NXPH1: variants seen among roughly 807,000 people sequenced by gnomAD.
NXPH1 encodes neurexophilin 1.
In NXPH1, 5 loss-of-function variants were observed where a neutral mutation model predicts 23.7. The observed-to-expected ratio is 0.21, with a 90% confidence interval of 0.11 to 0.44. The LOEUF (loss-of-function observed/expected upper bound fraction) is 0.44. NXPH1 is among the 20% of genes least tolerant of loss of function. The pLI is 0.99. For missense variants in NXPH1, 324 were observed against 321.6 expected, an observed-to-expected ratio of 1.01 and a Z score of -0.06; for synonymous variants, 144 against 122.2, an observed-to-expected ratio of 1.18 and a Z score of -1.18.
At chr7:8,497,143 A>G (rs1471129644) in intron 2 of NXPH1, among the ~76,000 whole-genome samples, 2 of 152,130 alleles carry the variant, frequency 1.3e-5, no homozygotes, top group African/African-American at 4.8e-5. Context: ...TAGTTTTCTC[A>G]GAATGATGGT....
rs192509883 is a variant in NXPH1, at chr7:8,555,437, A to C, written c.54+119670A>C. 1.6e-3 allele frequency among the ~76,000 whole-genome samples: 250 copies of C among 151,776 alleles called. 3 individuals are homozygous for C. Among genetic ancestry groups the C allele is most frequent in the Non-Finnish European group, 2.0e-3 (138 of 67,736 alleles). On this transcript the variant is annotated intron_variant, in intron 2 of 2. Coordinates refer to ENST00000405863, the MANE Select transcript of NXPH1 (RefSeq NM_152745.3). Reference sequence around the variant, plus strand: ...ATCCTGATTCCACAAAAGAGATGACACAGACTGCTGAGTAAAACACAGCAA... The same window carrying C: ...ATCCTGATTCCACAAAAGAGATGACCCAGACTGCTGAGTAAAACACAGCAA...
chr7:8,509,947 A>G (rs1269565609), intron 2 of NXPH1, among the ~76,000 whole-genome samples: 1 of 152,178 alleles, frequency 6.6e-6, no homozygotes, highest in Non-Finnish European at 1.5e-5. Flanking sequence ...TTCATCAGGA[A>G]AAAGTGAGTG....
chr7:8,641,761 A>G (rs1820317077), intron 2 of NXPH1, among the ~76,000 whole-genome samples: 1 of 152,108 alleles, frequency 6.6e-6, no homozygotes, highest in African/African-American at 2.4e-5. Context: ...GATTATGTCC[A>G]TATTTTTCAT....
chr7:8,650,428 G>A (rs1445423733), intron 2 of NXPH1, among the ~76,000 whole-genome samples: 2 of 152,146 alleles, frequency 1.3e-5, no homozygotes, highest in African/African-American at 2.4e-5. Context: ...TAAAGACACA[G>A]CTTCTTGGAA....
At chr7:8,595,835 A>G (rs564959167) in intron 2 of NXPH1, among the ~76,000 whole-genome samples, 28 of 152,132 alleles carry the variant, frequency 1.8e-4, no homozygotes, top group African/African-American at 4.6e-4. Context: ...ATCCTTTACC[A>G]TCGCTTTTAG....
At chr7:8,693,728 A>G (rs544112499) in intron 2 of NXPH1, among the ~76,000 whole-genome samples, 3 of 152,262 alleles carry the variant, frequency 2.0e-5, no homozygotes, top group South Asian at 4.1e-4. Context: ...TTCATCTTCC[A>G]TTACAGAAAA....
chr7:8,716,822 A>T (rs540771385), intron 2 of NXPH1, among the ~76,000 whole-genome samples: 2 of 152,312 alleles, frequency 1.3e-5, no homozygotes, highest in East Asian at 1.9e-4. Context: ...GCCCTGAGCC[A>T]TTGGAGTGTC....
chr7:8,450,003 C>T (rs1026137699), intron 2 of NXPH1, among the ~76,000 whole-genome samples: 1 of 152,198 alleles, frequency 6.6e-6, no homozygotes, highest in Non-Finnish European at 1.5e-5. Context: ...ATCTATTGAC[C>T]TGACCAATAT....
At position 8,710,768 on chromosome 7, in the gene NXPH1, T is replaced by C. The variant is rs1052980312; in HGVS notation, c.55-40240T>C. On this transcript the variant is annotated intron_variant, in intron 2 of 2. Transcript: ENST00000405863. ...AGCTCCGCTTCCCGGGTTCACGCCA[T>C]TCTCCTGCCTCAGCCTCCCCAGTAG... is the stretch of plus-strand genomic sequence containing the variant. Among the ~76,000 whole-genome samples the C allele has an allele frequency of 1.1e-4, 15 of 133,768 alleles. 1 individual carries two copies. The highest frequency in any genetic ancestry group is 4.8e-4 in the East Asian group (2 of 4,170). The allele number at this position is 133,768 out of a possible 152,430, so 87.8% of individuals were successfully genotyped here.
chr7:8,525,473 G>A (rs1817846638), intron 2 of NXPH1, among the ~76,000 whole-genome samples: 1 of 152,214 alleles, frequency 6.6e-6, no homozygotes, highest in African/African-American at 2.4e-5. Context: ...TGCCTAAGTA[G>A]CAAGGAGCCT....
intron 2 of NXPH1, among the ~76,000 whole-genome samples, chr7:8,657,284 A>C (rs573610445): frequency 1.3e-5 from 2 of 152,350 alleles, no homozygotes; most frequent in Admixed American, 6.5e-5. Context: ...AAAATGGGCT[A>C]TGAGCTCAGA....
chr7:8,696,056 A>G (rs1275084499), intron 2 of NXPH1, among the ~76,000 whole-genome samples: 1 of 152,236 alleles, frequency 6.6e-6, no homozygotes, highest in Non-Finnish European at 1.5e-5. Context: ...TCATGTGTGC[A>G]CTGTAACTTG....
rs536236220 is a variant in NXPH1 at position 8,592,826 on chromosome 7, C to CTTTTT, written c.54+157070_54+157074dup. ...TAATTTTCACATATTGTGAAATAGT[C>CTTTTT]TTTTTTTTTTTTTTTAAATGTTCCA... On this transcript the variant is annotated intron_variant, in intron 2 of 2. Transcript: ENST00000405863. Among the ~76,000 whole-genome samples the CTTTTT allele has an allele frequency of 8.2e-3, 1,176 of 142,906 alleles. 10 individuals are homozygous for CTTTTT. The highest frequency in any genetic ancestry group is 0.027 in the African/African-American group (1,041 of 39,260). The allele number at this position is 142,906 out of a possible 152,430, so 93.8% of individuals were successfully genotyped here.
At chr7:8,669,520 G>C (rs1820833187) in intron 2 of NXPH1, among the ~76,000 whole-genome samples, 1 of 152,166 alleles carries the variant, frequency 6.6e-6, no homozygotes, top group Non-Finnish European at 1.5e-5. Context: ...TCAGTCTGAG[G>C]GTATTAGCCT....
intron 2 of NXPH1, among the ~76,000 whole-genome samples, chr7:8,627,782 G>C (rs936049172): frequency 6.6e-6 from 1 of 152,088 alleles, no homozygotes; most frequent in African/African-American, 2.4e-5. Context: ...AGCTGCTAGA[G>C]AGTGTATTCA....
chr7:8,527,696 T>G (rs1048738104), intron 2 of NXPH1, among the ~76,000 whole-genome samples: 9 of 152,202 alleles, frequency 5.9e-5, no homozygotes, highest in Admixed American at 2.0e-4. Context: ...TTGTTGAAAT[T>G]AGCTGAATCT....
intron 2 of NXPH1, among the ~76,000 whole-genome samples, chr7:8,673,367 A>T (rs1318162970): frequency 1.3e-5 from 2 of 152,172 alleles, no homozygotes; most frequent in Admixed American, 1.3e-4. Flanking sequence ...TAAGTTGAGG[A>T]TGGATACCTC....
chr7:8,441,945 G>A (rs887038730), intron 2 of NXPH1, among the ~76,000 whole-genome samples: 2 of 151,178 alleles, frequency 1.3e-5, no homozygotes, highest in African/African-American at 4.9e-5. Context: ...GGGGGTGGGC[G>A]GGGAGGGGAT....
At chr7:8,611,029 A>G (rs914559853) in intron 2 of NXPH1, among the ~76,000 whole-genome samples, 1 of 152,158 alleles carries the variant, frequency 6.6e-6, no homozygotes, top group East Asian at 1.9e-4. Context: ...AACGCCGCTT[A>G]GAGTTGTACT....
Sources: allele counts gnomAD v4.1 joint callset (sites outside exome capture counted in the v4.1 genomes callset), GRCh38; gene constraint gnomAD v4.1.1; transcripts MANE v1.5; gene names NCBI Gene and HGNC (gene_info 2026-07-23, HGNC 2026-07-21).